Variants in ENOX2 observed in about 807,000 individuals in gnomAD.
ENOX2 encodes the protein ecto-NOX disulfide-thiol exchanger 2.
In ENOX2, 36 loss-of-function variants were observed where a neutral mutation model predicts 45.0. The ratio of observed to expected loss-of-function variants is 0.80; its 90% CI spans 0.61 to 1.06. The LOEUF (loss-of-function observed/expected upper bound fraction) is 1.06, where lower values mean the gene tolerates loss of function less well. Ranked by LOEUF, ENOX2 falls within the 50% of genes least tolerant of loss-of-function variation. ENOX2 has a pLI of 0.00. For synonymous variants in ENOX2, 174 were observed against 152.3 expected (o/e 1.14, Z -1.05); for missense variants, 423 against 462.5 (o/e 0.91, Z 0.78).
intron 3 of ENOX2, among the ~76,000 whole-genome samples, chrX:130,741,201 G>T (rs1289035941): frequency 8.9e-6 from 1 of 111,939 alleles, no homozygotes; most frequent in Non-Finnish European, 1.9e-5. Flanking sequence ...AATAGGAGAT[G>T]ATGTTGAACA....
chrX:130,769,672 T>C (rs2039693681), intron 3 of ENOX2, among the ~76,000 whole-genome samples: 1 of 111,838 alleles, frequency 8.9e-6, no homozygotes, highest in African/African-American at 3.2e-5. Context: ...CGGTTTCTGC[T>C]AGAAATTAGC....
intron 2 of ENOX2, among the ~76,000 whole-genome samples, chrX:130,784,839 C>T (rs1233857205): frequency 1.8e-5 from 2 of 108,589 alleles, no homozygotes; most frequent in East Asian, 2.9e-4. Flanking sequence ...CCACCAGCCT[C>T]GGCCTCCCAA....
intron 2 of ENOX2, among the ~76,000 whole-genome samples, chrX:130,869,329 G>C (rs1018008126): frequency 2.7e-5 from 3 of 111,259 alleles, no homozygotes; most frequent in Non-Finnish European, 1.9e-5. Context: ...TGAAACGCCA[G>C]CTTAAAATTC....
chrX:130,851,946 T>C (rs1041033110), intron 2 of ENOX2, among the ~76,000 whole-genome samples: 4 of 112,207 alleles, frequency 3.6e-5, no homozygotes, highest in Admixed American at 9.4e-5. Flanking sequence ...TTTGCTTCTA[T>C]CATCTAAGCA....
intron 3 of ENOX2, among the ~76,000 whole-genome samples, chrX:130,724,931 T>A (rs756638080): frequency 9.0e-6 from 1 of 111,193 alleles, no homozygotes; most frequent in Non-Finnish European, 1.9e-5. Context: ...CTGGTATGAC[T>A]GTCCAGTGCA....
In ENOX2 at chrX:130,623,139, A is replaced by C. The variant is rs1216202036; in HGVS notation, c.*2175T>G. On this transcript the variant is annotated 3_prime_UTR_variant, in exon 15 of 15. Transcript: ENST00000394363. ...TATCTAGACTGGTGTTTGACCAAGC[A>C]ACTGGGCACTATAGCCTAGCCAAGT... Among the ~76,000 whole-genome samples the C allele has an allele frequency of 9.0e-6, 1 of 111,650 alleles. No homozygotes were observed. The highest frequency in any genetic ancestry group is 2.8e-4 in the East Asian group (1 of 3,580).
intron 3 of ENOX2, among the ~76,000 whole-genome samples, chrX:130,744,052 C>A (rs146602814): frequency 0.014 from 1,561 of 111,927 alleles, 8 homozygotes; most frequent in East Asian, 0.041. Flanking sequence ...CCATTGTTGA[C>A]ATATCATTTC....
intron 2 of ENOX2, among the ~76,000 whole-genome samples, chrX:130,898,342 T>C (rs1423040300): frequency 1.8e-5 from 2 of 112,055 alleles, no homozygotes; most frequent in African/African-American, 6.5e-5. Flanking sequence ...AAATATACTG[T>C]AGATTAGAAA....
rs1423149997 is a variant in ENOX2 at position 130,848,267 on chromosome X, T to G, written c.-183+53417A>C. On this transcript the variant is annotated intron_variant, in intron 2 of 14. Coordinates refer to ENST00000394363, the MANE Select transcript of ENOX2 (RefSeq NM_006375.4). ...TGAATTACAGATTCTCAGTACATAA[T>G]GCCAAAATCTACACCACAATAAATA... Among the ~76,000 whole-genome samples the G allele has an allele frequency of 4.7e-5, 5 of 106,133 alleles. No homozygotes were observed. In the South Asian group the frequency reaches 2.0e-3, roughly 43 times the overall value. 92.2% of individuals were successfully genotyped at this position (106,133 alleles called of 115,157 possible). A position where few individuals can be genotyped will look rare whatever the true frequency, so the allele number is the denominator to read the frequency against.
At chrX:130,865,314 G>A (rs1341635177) in intron 2 of ENOX2, among the ~76,000 whole-genome samples, 1 of 111,289 alleles carries the variant, frequency 9.0e-6, no homozygotes, top group Non-Finnish European at 1.9e-5. Context: ...TTGGTCTGTA[G>A]AATTATGCAA....
chrX:130,853,090 A>AT (rs201353882), intron 2 of ENOX2, among the ~76,000 whole-genome samples: 10 of 105,972 alleles, frequency 9.4e-5, no homozygotes, highest in South Asian at 4.2e-4. Context: ...TTCCCTGGGT[A>AT]TTTTTTTTTT....
At chrX:130,852,520 A>G (rs1445004199) in intron 2 of ENOX2, among the ~76,000 whole-genome samples, 1 of 111,906 alleles carries the variant, frequency 8.9e-6, no homozygotes, top group Non-Finnish European at 1.9e-5. Context: ...GGGCAAACAT[A>G]TCCAGAATGG....
intron 2 of ENOX2, among the ~76,000 whole-genome samples, chrX:130,797,207 G>C (rs2077145513): frequency 8.9e-6 from 1 of 111,909 alleles, no homozygotes; most frequent in South Asian, 3.7e-4. Context: ...GGCAGGAAAA[G>C]TATAAGCCAA....
At chrX:130,869,962 G>A (rs2078546525) in intron 2 of ENOX2, among the ~76,000 whole-genome samples, 1 of 112,006 alleles carries the variant, frequency 8.9e-6, no homozygotes, top group Admixed American at 9.4e-5. Context: ...GCTGTATCAA[G>A]AACTACAAAT....
intron 10 of ENOX2, among the ~76,000 whole-genome samples, chrX:130,643,482 G>GA (rs1419913772): frequency 1.8e-5 from 2 of 111,373 alleles, no homozygotes; most frequent in Non-Finnish European, 3.8e-5. Context: ...AGATAAAAAG[G>GA]AAAAAGATGG....
At chrX:130,707,015 G>T (rs1218178271) in intron 3 of ENOX2, among the ~76,000 whole-genome samples, 1 of 112,600 alleles carries the variant, frequency 8.9e-6, no homozygotes, top group African/African-American at 3.2e-5. Flanking sequence ...AACAAAACAT[G>T]TTGTGCTAAG....
At chrX:130,689,348 CT>C (rs1176627806) in intron 4 of ENOX2, among the ~76,000 whole-genome samples, 1 of 111,391 alleles carries the variant, frequency 9.0e-6, no homozygotes, top group Non-Finnish European at 1.9e-5. Flanking sequence ...TCCGAGAAGG[CT>C]TTTTACTGTC....
chrX:130,760,970 T>C lies in ENOX2; in HGVS notation c.-39+22577A>G, dbSNP rs185346117. On this transcript the variant is annotated intron_variant, in intron 3 of 14. Transcript: ENST00000394363. ...TAGCCTGTGAATATGGTAGATTACA[T>C]TGATTGATTTTCAAATACTGAACCA... Among the ~76,000 whole-genome samples, 385 of 108,684 alleles carry C rather than the reference T, an allele frequency of 3.5e-3. 7 individuals are homozygous for C. Among genetic ancestry groups the C allele is most frequent in the African/African-American group, 0.012 (358 of 29,935 alleles). The allele number at this position is 108,684 out of a possible 115,157, so 94.4% of individuals were successfully genotyped here. A position where few individuals can be genotyped will look rare whatever the true frequency, so the allele number is the denominator to read the frequency against.
At chrX:130,877,828 T>C (rs1346653070) in intron 2 of ENOX2, among the ~76,000 whole-genome samples, 1 of 112,172 alleles carries the variant, frequency 8.9e-6, no homozygotes, top group Non-Finnish European at 1.9e-5. Context: ...AATAGTGCCC[T>C]GAGGATCAGA....
Sources: allele counts gnomAD v4.1 joint callset (sites outside exome capture counted in the v4.1 genomes callset), GRCh38; gene constraint gnomAD v4.1.1; transcripts MANE v1.5; gene names NCBI Gene and HGNC (gene_info 2026-07-23, HGNC 2026-07-21).